Variants in LGSN observed in about 807,000 individuals in gnomAD.
LGSN encodes the protein lengsin.
A neutral mutation model predicts 19.5 loss-of-function variants in LGSN; 21 were observed. The observed-to-expected ratio is 1.07, with a 90% CI of 0.76 to 1.55. The LOEUF is 1.55. LGSN is among the 40% of genes most tolerant of loss of function. The pLI, the probability that LGSN is intolerant of heterozygous loss-of-function variation, is 0.00. For missense variants in LGSN, 673 were observed against 608.5 expected (o/e 1.11, Z -1.12); for synonymous variants, 257 against 215.6 (o/e 1.19, Z -1.68).
the LGSN span, among the ~76,000 whole-genome samples, chr6:63,512,581 A>G: frequency 6.6e-6 from 1 of 152,306 alleles, no homozygotes; most frequent in South Asian, 2.1e-4. Flanking sequence ...TCTCATACCC[A>G]GGCATAAGTC....
At chr6:63,477,679 CTTTT>C in the LGSN span, among the ~76,000 whole-genome samples, 8 of 50,448 alleles carry the variant, frequency 1.6e-4, no homozygotes, top group African/African-American at 4.9e-4. Flanking sequence ...TCTTCTTCTT[CTTTT>C]TTTCTTTTTT....
the LGSN span, among the ~76,000 whole-genome samples, chr6:63,562,201 C>CTTTTTT: frequency 7.3e-6 from 1 of 137,326 alleles, no homozygotes; most frequent in Non-Finnish European, 1.6e-5. Flanking sequence ...TTTTCTTTTT[C>CTTTTTT]TTTTTTTTTT....
chr6:63,443,481 A>G, the LGSN span: 1 of 322,652 alleles, frequency 3.1e-6, no homozygotes, highest in South Asian at 9.0e-5. Context: ...CTGCTAGCAC[A>G]TTGTCACCTC....
the LGSN span, among the ~76,000 whole-genome samples, chr6:63,526,256 C>T: frequency 8.6e-5 from 13 of 151,888 alleles, no homozygotes; most frequent in South Asian, 4.2e-4. Flanking sequence ...ACCAGGGAGG[C>T]GGAGGTTGCA....
the LGSN span, among the ~76,000 whole-genome samples, chr6:63,472,416 T>C: frequency 2.0e-5 from 3 of 152,204 alleles, no homozygotes; most frequent in African/African-American, 7.2e-5. Context: ...TTTTAGTGAT[T>C]CTTGAAGTGC....
At chr6:63,282,771 T>C (rs1180599699) in intron 3 of LGSN, among the ~76,000 whole-genome samples, 1 of 152,146 alleles carries the variant, frequency 6.6e-6, no homozygotes, top group Non-Finnish European at 1.5e-5. Context: ...AGCTCACTCA[T>C]GGACCTGTAC....
the LGSN span, among the ~76,000 whole-genome samples, chr6:63,428,780 A>G: frequency 6.6e-6 from 1 of 152,190 alleles, no homozygotes; most frequent in African/African-American, 2.4e-5. Flanking sequence ...CATCCAAAGA[A>G]ATGTCCTCAA....
At chr6:63,476,589 C>T in the LGSN span, among the ~76,000 whole-genome samples, 1 of 152,174 alleles carries the variant, frequency 6.6e-6, no homozygotes, top group South Asian at 2.1e-4. Flanking sequence ...GAGCTATTAA[C>T]TCAAGCACCT....
the LGSN span, among the ~76,000 whole-genome samples, chr6:63,444,189 C>T: frequency 6.6e-6 from 1 of 151,964 alleles, no homozygotes; most frequent in South Asian, 2.1e-4. Context: ...TTAATCTTCT[C>T]AACAACTCTA....
chr6:63,475,865 G>A, the LGSN span, among the ~76,000 whole-genome samples: 48 of 152,230 alleles, frequency 3.2e-4, no homozygotes, highest in East Asian at 8.7e-3. Context: ...GGAACCTACT[G>A]GGACTGCTGA....
the LGSN span, among the ~76,000 whole-genome samples, chr6:63,407,454 A>G: frequency 6.6e-6 from 1 of 152,246 alleles, no homozygotes; most frequent in Non-Finnish European, 1.5e-5. Context: ...ATAGATGCAG[A>G]AAAGACCTTT....
At chr6:63,328,999 T>G in the LGSN span, among the ~76,000 whole-genome samples, 4 of 152,242 alleles carry the variant, frequency 2.6e-5, no homozygotes, top group Non-Finnish European at 4.4e-5. Context: ...TGGCTAAGAT[T>G]AGACCTAGAT....
the LGSN span, chr6:63,572,516 C>A: frequency 2.6e-6 from 1 of 391,778 alleles, no homozygotes; most frequent in East Asian, 3.6e-5. Context: ...GGCTGCGGGC[C>A]GGCTCGGCTA....
At chr6:63,441,258 C>T in the LGSN span, 1 of 362,154 alleles carries the variant, frequency 2.8e-6, no homozygotes, top group Non-Finnish European at 5.6e-6. Context: ...TGGCCTCACA[C>T]ACCTGGCGAA....
the LGSN span, among the ~76,000 whole-genome samples, chr6:63,509,436 C>T: frequency 3.4e-4 from 52 of 152,026 alleles, no homozygotes; most frequent in Admixed American, 1.4e-3. Flanking sequence ...TCAATGAAAT[C>T]GAGGATACAA....
At chr6:63,410,623 C>T in the LGSN span, among the ~76,000 whole-genome samples, 1 of 152,202 alleles carries the variant, frequency 6.6e-6, no homozygotes, top group Non-Finnish European at 1.5e-5. Flanking sequence ...TAAAATTACA[C>T]TAAAGCCAGT....
the LGSN span, among the ~76,000 whole-genome samples, chr6:63,432,185 A>G: frequency 4.0e-5 from 1 of 24,784 alleles, no homozygotes; most frequent in African/African-American, 2.3e-4. Flanking sequence ...GAAAGAAAGA[A>G]AAGAAAAGAA....
At chr6:63,484,944 A>T in the LGSN span, among the ~76,000 whole-genome samples, 1 of 152,076 alleles carries the variant, frequency 6.6e-6, no homozygotes, top group African/African-American at 2.4e-5. Context: ...CCCCAGTGAA[A>T]CCTGCAAGTT....
chr6:63,490,882 A>G, the LGSN span, among the ~76,000 whole-genome samples: 20 of 152,228 alleles, frequency 1.3e-4, no homozygotes, highest in African/African-American at 4.8e-4. Context: ...GTCCCAGTTC[A>G]AGTATGAAAA....
Sources: allele counts gnomAD v4.1 joint callset (sites outside exome capture counted in the v4.1 genomes callset), GRCh38; gene constraint gnomAD v4.1.1; transcripts MANE v1.5; gene names NCBI Gene and HGNC (gene_info 2026-07-23, HGNC 2026-07-21).